The following PGM3 variants were observed in gnomAD, a reference collection of about 807,000 sequenced individuals.
The protein encoded by PGM3 is phosphoglucomutase 3.
A neutral mutation model predicts 66.2 loss-of-function variants in PGM3; 40 were observed. The observed-to-expected ratio is 0.60, with a 90% CI of 0.47 to 0.79. PGM3 has a LOEUF of 0.79. Ranked by LOEUF, PGM3 falls within the 30% of genes least tolerant of loss-of-function variation. The pLI is 0.00. For synonymous variants in PGM3, 191 were observed against 224.2 expected, an observed-to-expected ratio of 0.85 and a Z score of 1.32; for missense variants, 537 against 643.4, an observed-to-expected ratio of 0.83 and a Z score of 1.79.
chr6:83,160,946 CCTTT>C (rs1784100492), downstream of PGM3, among the ~76,000 whole-genome samples: 1 of 151,734 alleles, frequency 6.6e-6, no homozygotes, highest in African/African-American at 2.4e-5. Context: ...CATTCTAGTT[CCTTT>C]AATTTTCTCT....
Position 83,169,083 on chromosome 6 carries a change from T to C in PGM3, c.*151A>G, listed in dbSNP as rs1397702959. On this transcript the variant is annotated 3_prime_UTR_variant, in exon 13 of 13. Transcript: ENST00000513973. ...CTTACCTATTTATAAAGAATTATTC[T>C]GTTAGTGTTTAAGAAAAACAGATCT... is the stretch of plus-strand genomic sequence containing the variant. 7.0e-7 allele frequency: 1 copy of C among 1,438,038 alleles called. No individual in the cohort carries two copies. Among genetic ancestry groups the C allele is most frequent in the Non-Finnish European group, 9.1e-7 (1 of 1,100,548 alleles). The allele number at this position is 1,438,038 out of a possible 1,614,324, so 89.1% of individuals were successfully genotyped here.
chr6:83,182,911 A>G lies in PGM3; in HGVS notation c.525T>C (p.Tyr175=), dbSNP rs747175555. Residue 175 remains tyrosine, a synonymous_variant, in exon 5 of 13, where the codon TAT becomes TAC. Transcript: ENST00000513973. ...MVYCRNTGGR[Y]GKATIEGYYQ... Reference sequence around the variant, plus strand: ...AGTAACCTTCTATAGTTGCCTTTCCATATCGGCCACCCGTGTTTCGACAAT... The same window carrying G: ...AGTAACCTTCTATAGTTGCCTTTCCGTATCGGCCACCCGTGTTTCGACAAT... 3 of 1,614,074 alleles carry G rather than the reference A, an allele frequency of 1.9e-6. No homozygotes were observed. Among genetic ancestry groups the G allele is most frequent in the Admixed American group, 3.3e-5 (2 of 60,026 alleles).
chr6:83,176,184 A>T (rs1787749320), intron 8 of PGM3, 124 bp from the exon 9 acceptor site: 1 of 617,612 alleles, frequency 1.6e-6, no homozygotes, highest in Admixed American at 2.5e-5. Flanking sequence ...GAGGAAGACG[A>T]TTAAGCATTA....
At chr6:83,187,129 G>A in intron 3 of PGM3, 54 bp from the exon 4 acceptor site, 1 of 1,160,094 alleles carries the variant, frequency 8.6e-7, no homozygotes, top group South Asian at 1.3e-5. Context: ...TGGCAGGGTT[G>A]CTGGTTCTGC....
downstream of PGM3, chr6:83,160,036 T>TA: frequency 7.0e-7 from 1 of 1,426,410 alleles, no homozygotes; most frequent in South Asian, 1.3e-5. Context: ...TATGACTAAT[T>TA]AAAAAGTTTT....
chr6:83,190,393 A>C (rs1788955818), intron 2 of PGM3: 1 of 172,540 alleles, frequency 5.8e-6, no homozygotes, highest in Non-Finnish European at 1.2e-5. Context: ...CATTCAGAAC[A>C]AGAAATTATT....
At chr6:83,187,358 C>T (rs141894008) in intron 3 of PGM3, among the ~76,000 whole-genome samples, 2 of 152,232 alleles carry the variant, frequency 1.3e-5, no homozygotes, top group African/African-American at 4.8e-5. Context: ...TTTTCAAGTT[C>T]GACTACAGCA....
At chr6:83,148,936 A>C in the PGM3 span, 1 of 903,036 alleles carries the variant, frequency 1.1e-6, no homozygotes, top group Non-Finnish European at 1.6e-6. Flanking sequence ...AGTATTAGTA[A>C]TAGATATTTT....
rs760261504 is a variant in PGM3 at position 83,171,970 on chromosome 6, A to G, written c.1332T>C (p.Tyr444=). 11 of 1,613,616 alleles carry G rather than the reference A, an allele frequency of 6.8e-6. No individual in the cohort carries two copies. The highest frequency in any genetic ancestry group is 5.0e-5 in the Admixed American group (3 of 60,022). ...TAAGTTGTCTGTTTGGAAGATCTGT[A>G]TAGAGAGCATCCCACTGTTGTACAG... ...GLTVQQWDAL[Y]TDLPNRQLKV... The change falls in exon 11 of 13, where the codon TAT becomes TAC. Residue 444 remains tyrosine (Y), a synonymous_variant. Coordinates refer to ENST00000513973, the MANE Select transcript of PGM3 (RefSeq NM_015599.3).
intron 4 of PGM3, among the ~76,000 whole-genome samples, chr6:83,184,277 A>G (rs1788412343): frequency 6.6e-6 from 1 of 152,232 alleles, no homozygotes; most frequent in Non-Finnish European, 1.5e-5. Context: ...TACACCTGTC[A>G]GTTGGACCTG....
chr6:83,158,634 T>A, downstream of PGM3: 1 of 1,583,098 alleles, frequency 6.3e-7, no homozygotes, highest in Non-Finnish European at 8.6e-7. Context: ...TAATATGTAA[T>A]TTAAATATAT....
intron 2 of PGM3, among the ~76,000 whole-genome samples, chr6:83,189,263 G>A (rs560810484): frequency 3.3e-5 from 5 of 152,228 alleles, no homozygotes; most frequent in African/African-American, 9.6e-5. Flanking sequence ...ACTATGACTC[G>A]GAACTCCAAG....
intron 10 of PGM3, among the ~76,000 whole-genome samples, chr6:83,172,534 C>T (rs886314270): frequency 1.3e-5 from 2 of 152,120 alleles, no homozygotes; most frequent in Non-Finnish European, 2.9e-5. Flanking sequence ...TAGTGGGCGC[C>T]TGTAATCCCA....
At chr6:83,183,156 C>A (rs1486496227) in intron 4 of PGM3, among the ~76,000 whole-genome samples, 178 bp from the exon 5 acceptor site, 2 of 152,030 alleles carry the variant, frequency 1.3e-5, no homozygotes, top group Non-Finnish European at 1.5e-5. Context: ...AGCCAAAAAA[C>A]CAATCATTAC....
chr6:83,153,709 C>A, the PGM3 span: 1 of 1,210,876 alleles, frequency 8.3e-7, no homozygotes, highest in Non-Finnish European at 1.1e-6. Flanking sequence ...CTAGAATTAT[C>A]ATAAAATGGC....
chr6:83,157,819 CCACCTA>C (rs1264497482), downstream of PGM3, among the ~76,000 whole-genome samples: 1 of 152,120 alleles, frequency 6.6e-6, no homozygotes, highest in Non-Finnish European at 1.5e-5. Flanking sequence ...TTCCCAAGTC[CCACCTA>C]CACCCTTCTG....
chr6:83,169,904 C>G (rs956516418), intron 12 of PGM3: 2 of 419,440 alleles, frequency 4.8e-6, no homozygotes, highest in African/African-American at 4.1e-5. Flanking sequence ...AAAAACAAAT[C>G]AAGAGTCCAG....
In PGM3 at chr6:83,166,731, G is replaced by C. The variant is rs1328629975; in HGVS notation, c.*2503C>G. Reference sequence around the variant, plus strand: ...TTACTTTAAAATAAGCAATAAGCTTGAGAGCACATAGAAGAAAATAAGCTG... The same window carrying C: ...TTACTTTAAAATAAGCAATAAGCTTCAGAGCACATAGAAGAAAATAAGCTG... On this transcript the variant is annotated 3_prime_UTR_variant, in exon 13 of 13. Transcript: ENST00000513973. 8.5e-7 allele frequency: 1 copy of C among 1,173,378 alleles called. No homozygotes were observed. Among genetic ancestry groups the C allele is most frequent in the Non-Finnish European group, 1.1e-6 (1 of 951,208 alleles). 72.7% of individuals were successfully genotyped at this position (1,173,378 alleles called of 1,614,324 possible). A position where few individuals can be genotyped will look rare whatever the true frequency, so the allele number is the denominator to read the frequency against.
chr6:83,175,512 T>C (rs1444736906), intron 9 of PGM3, among the ~76,000 whole-genome samples: 4 of 152,230 alleles, frequency 2.6e-5, no homozygotes, highest in Non-Finnish European at 4.4e-5. Context: ...AACTAAATTA[T>C]ACACTTTAAA....
Sources: allele counts gnomAD v4.1 joint callset (sites outside exome capture counted in the v4.1 genomes callset), GRCh38; gene constraint gnomAD v4.1.1; transcripts MANE v1.5; gene names NCBI Gene and HGNC (gene_info 2026-07-23, HGNC 2026-07-21).